The following CNTN5 variants were observed in gnomAD, a reference collection of about 807,000 sequenced individuals.
CNTN5 encodes contactin-5.
In CNTN5, 77 loss-of-function variants were observed where a neutral mutation model predicts 129.1. The observed-to-expected ratio is 0.60, with a 90% CI of 0.50 to 0.72. The LOEUF (loss-of-function observed/expected upper bound fraction) is 0.72, where lower values mean the gene tolerates loss of function less well. Among genes scored for constraint, CNTN5 ranks in the 30% least tolerant of loss-of-function variants. The probability of loss-of-function intolerance (pLI) is 0.00; values close to 1 mark genes in which losing one functional copy is unlikely to be tolerated. For missense variants in CNTN5, 1,478 were observed against 1,328.8 expected (o/e 1.11, Z -1.75); for synonymous variants, 509 against 465.6 (o/e 1.09, Z -1.20).
intron 1 of CNTN5, among the ~76,000 whole-genome samples, chr11:99,214,371 A>AT (rs1565409063): frequency 1.4e-5 from 2 of 146,764 alleles, no homozygotes; most frequent in East Asian, 2.0e-4. Flanking sequence ...GATACCAAAA[A>AT]ATATATATAT....
intron 3 of CNTN5, among the ~76,000 whole-genome samples, chr11:99,675,544 G>A (rs1292710840): frequency 6.6e-6 from 1 of 152,084 alleles, no homozygotes; most frequent in Non-Finnish European, 1.5e-5. Flanking sequence ...TATTAGCTGG[G>A]CATGGTGGTG....
At chr11:100,344,817 T>C (rs895989167) in intron 23 of CNTN5, among the ~76,000 whole-genome samples, 6 of 152,134 alleles carry the variant, frequency 3.9e-5, no homozygotes, top group Non-Finnish European at 5.9e-5. Flanking sequence ...AAAGGAATAA[T>C]ACATTGTCCT....
intron 16 of CNTN5, 195 bp downstream of exon 16, chr11:100,225,007 C>A (rs1413203593): frequency 9.0e-6 from 4 of 442,218 alleles, no homozygotes; most frequent in African/African-American, 3.9e-5. Context: ...AGATGAAAAC[C>A]ACCAAACTAA....
intron 8 of CNTN5, among the ~76,000 whole-genome samples, chr11:99,963,797 A>G (rs1951017675): frequency 6.6e-6 from 1 of 152,168 alleles, no homozygotes; most frequent in African/African-American, 2.4e-5. Context: ...TGAGCATGGA[A>G]TGTTCTTCCA....
Position 99,599,362 on chromosome 11 carries a change from T to C in CNTN5, c.55+43093T>C, listed in dbSNP as rs531437329. ...ATTTTCTGAGAGATTTTTTTAACAT[T>C]GATTTAGCCATTTAGAAATGGATTT... is the stretch of plus-strand genomic sequence containing the variant. On this transcript the variant is annotated intron_variant, in intron 3 of 24. Coordinates refer to ENST00000524871, the MANE Select transcript of CNTN5 (RefSeq NM_014361.4). 1.8e-3 allele frequency among the ~76,000 whole-genome samples: 271 copies of C among 152,256 alleles called. 3 individuals carry two copies. The highest frequency in any genetic ancestry group is 3.1e-3 in the Non-Finnish European group (208 of 67,980).
intron 3 of CNTN5, among the ~76,000 whole-genome samples, chr11:99,579,727 T>G (rs1411333434): frequency 0.031 from 4,458 of 145,426 alleles, 260 homozygotes; most frequent in African/African-American, 0.11. Context: ...AAGGAGATTT[T>G]GGGCTGAGAC....
At chr11:99,767,542 T>C (rs1470727081) in intron 3 of CNTN5, among the ~76,000 whole-genome samples, 2 of 151,980 alleles carry the variant, frequency 1.3e-5, no homozygotes, top group Admixed American at 1.3e-4. Flanking sequence ...AAATAGTACA[T>C]GCCCACATTT....
At chr11:99,210,928 A>G (rs963003999) in intron 1 of CNTN5, among the ~76,000 whole-genome samples, 5 of 152,170 alleles carry the variant, frequency 3.3e-5, no homozygotes, top group African/African-American at 1.2e-4. Context: ...GACACATATT[A>G]AAAACCCAAT....
chr11:100,197,821 G>A (rs1565335495), intron 15 of CNTN5, among the ~76,000 whole-genome samples: 2 of 151,932 alleles, frequency 1.3e-5, no homozygotes, highest in Admixed American at 1.3e-4. Context: ...TTGTCAGAAT[G>A]GTCCACTAGA....
intron 3 of CNTN5, among the ~76,000 whole-genome samples, chr11:99,619,653 G>T (rs533403295): frequency 6.6e-6 from 1 of 152,086 alleles, no homozygotes. Flanking sequence ...TCGAGGCCTA[G>T]TAAATAAGTT....
chr11:99,400,513 C>T (rs1941748193), intron 2 of CNTN5, among the ~76,000 whole-genome samples: 2 of 152,124 alleles, frequency 1.3e-5, no homozygotes, highest in South Asian at 2.1e-4. Context: ...CTGTTGATGG[C>T]GATTGTGAAC....
chr11:100,028,800 A>G (rs918556531), intron 9 of CNTN5, among the ~76,000 whole-genome samples: 1 of 152,222 alleles, frequency 6.6e-6, no homozygotes, highest in Non-Finnish European at 1.5e-5. Context: ...GATATGAAAT[A>G]TTGGGAATAA....
chr11:99,349,386 T>G (rs866976454), intron 2 of CNTN5, among the ~76,000 whole-genome samples: 1 of 152,176 alleles, frequency 6.6e-6, no homozygotes, highest in African/African-American at 2.4e-5. Context: ...CCCACTACCC[T>G]TAAGTGAACT....
chr11:99,555,310 G>T (rs1344833326), intron 2 of CNTN5, among the ~76,000 whole-genome samples: 6 of 151,952 alleles, frequency 3.9e-5, no homozygotes, highest in African/African-American at 1.4e-4. Flanking sequence ...ACGGCTTTGC[G>T]CCAAGGAGAA....
chr11:100,034,748 G>C (rs1457184883), intron 9 of CNTN5, among the ~76,000 whole-genome samples: 3 of 152,298 alleles, frequency 2.0e-5, no homozygotes, highest in East Asian at 1.9e-4. Flanking sequence ...TATATGTTTA[G>C]TGTGTCTTTC....
chr11:100,042,270 G>A (rs1225886398), intron 9 of CNTN5, among the ~76,000 whole-genome samples: 1 of 150,198 alleles, frequency 6.7e-6, no homozygotes, highest in Non-Finnish European at 1.5e-5. Context: ...GAAAAAAAAA[G>A]CCTTTGTCTC....
At chr11:99,328,141 T>C (rs1865858520) in intron 2 of CNTN5, among the ~76,000 whole-genome samples, 1 of 152,220 alleles carries the variant, frequency 6.6e-6, no homozygotes, top group South Asian at 2.1e-4. Flanking sequence ...CACAGAAATT[T>C]GAAGAGAAAA....
chr11:100,017,584 G>A (rs375169908), intron 9 of CNTN5, among the ~76,000 whole-genome samples: 20 of 151,948 alleles, frequency 1.3e-4, no homozygotes, highest in African/African-American at 4.3e-4. Context: ...TAGAACCTGA[G>A]TGATGACATG....
chr11:99,278,518 A>G (rs1040874945), intron 1 of CNTN5, among the ~76,000 whole-genome samples: 4 of 151,762 alleles, frequency 2.6e-5, no homozygotes, highest in African/African-American at 9.7e-5. Flanking sequence ...ATAAAATAAT[A>G]GAGATGCTGA....
Sources: allele counts gnomAD v4.1 joint callset (sites outside exome capture counted in the v4.1 genomes callset), GRCh38; gene constraint gnomAD v4.1.1; transcripts MANE v1.5; gene names NCBI Gene and HGNC (gene_info 2026-07-23, HGNC 2026-07-21).